The following MEGF11 variants were observed in gnomAD, a reference collection of about 807,000 sequenced individuals.
MEGF11 encodes the protein multiple EGF like domains 11, also known as multiple epidermal growth factor-like domains protein 11.
In MEGF11, 126 loss-of-function variants were observed where a neutral mutation model predicts 146.6. The ratio of observed to expected loss-of-function variants is 0.86; its 90% CI spans 0.74 to 1.00. The LOEUF (loss-of-function observed/expected upper bound fraction) is 1.00, where lower values mean the gene tolerates loss of function less well. Ranked by LOEUF, MEGF11 falls within the 50% of genes least tolerant of loss-of-function variation. The pLI is 0.00. For synonymous variants in MEGF11, 532 were observed against 583.4 expected (o/e 0.91, Z 1.27); for missense variants, 1,509 against 1,521.2 (o/e 0.99, Z 0.13).
At chr15:66,017,078 T>C (rs2082913701) in intron 5 of MEGF11, among the ~76,000 whole-genome samples, 1 of 152,234 alleles carries the variant, frequency 6.6e-6, no homozygotes. Context: ...GAAGAGCTGC[T>C]GGAGAAGCAC....
chr15:66,095,248 T>C (rs966244927), intron 4 of MEGF11, among the ~76,000 whole-genome samples: 6 of 152,218 alleles, frequency 3.9e-5, no homozygotes, highest in African/African-American at 1.4e-4. Flanking sequence ...GAAATTATTT[T>C]TCTCTTTCTT....
At chr15:66,214,883 G>A (rs1467894969) in intron 1 of MEGF11, among the ~76,000 whole-genome samples, 1 of 152,092 alleles carries the variant, frequency 6.6e-6, no homozygotes, top group African/African-American at 2.4e-5. Context: ...GAAGATGGGG[G>A]TAAGAGGAGA....
At chr15:65,958,940 G>C (rs1325197588) in intron 9 of MEGF11, among the ~76,000 whole-genome samples, 1 of 152,214 alleles carries the variant, frequency 6.6e-6, no homozygotes, top group African/African-American at 2.4e-5. Flanking sequence ...GTCAAGAGAA[G>C]CATGCCCTGG....
intron 4 of MEGF11, among the ~76,000 whole-genome samples, chr15:66,105,035 A>C (rs1372372073): frequency 6.6e-6 from 1 of 152,126 alleles, no homozygotes. Flanking sequence ...TTGGGGCTGA[A>C]GACCTCAACT....
At chr15:65,991,473 A>G (rs1326563735) in intron 5 of MEGF11, among the ~76,000 whole-genome samples, 1 of 152,212 alleles carries the variant, frequency 6.6e-6, no homozygotes, top group Non-Finnish European at 1.5e-5. Context: ...TTTGGGCCAG[A>G]AAATTCTTTG....
intron 4 of MEGF11, among the ~76,000 whole-genome samples, chr15:66,097,794 TCTAA>T (rs1357541794): frequency 6.7e-6 from 1 of 150,186 alleles, no homozygotes. Context: ...TGGTTGGGAC[TCTAA>T]CTGGTCCAGG....
At chr15:66,029,223 G>C (rs991761919) in intron 5 of MEGF11, among the ~76,000 whole-genome samples, 1 of 152,068 alleles carries the variant, frequency 6.6e-6, no homozygotes, top group Non-Finnish European at 1.5e-5. Context: ...TTTCTCAGAA[G>C]CCCATGCTAC....
intron 1 of MEGF11, among the ~76,000 whole-genome samples, chr15:66,183,226 G>T (rs985892148): frequency 4.6e-5 from 7 of 152,144 alleles, no homozygotes; most frequent in Non-Finnish European, 8.8e-5. Context: ...GTGGCTGGGC[G>T]TGGGGGCTCA....
intron 5 of MEGF11, among the ~76,000 whole-genome samples, chr15:65,995,297 T>C (rs960003358): frequency 6.6e-6 from 1 of 152,308 alleles, no homozygotes; most frequent in South Asian, 2.1e-4. Context: ...CCAAGTGTCT[T>C]GTTTTGTTTG....
intron 14 of MEGF11, 32 bp from the exon 15 acceptor site, chr15:65,922,504 C>T (rs190904485): frequency 1.6e-5 from 24 of 1,516,414 alleles, no homozygotes; most frequent in Admixed American, 8.8e-5. Context: ...TGGTCAGCAG[C>T]CCAAGAGACC....
intron 4 of MEGF11, among the ~76,000 whole-genome samples, chr15:66,097,011 C>T (rs2086582631): frequency 6.6e-6 from 1 of 152,186 alleles, no homozygotes; most frequent in Admixed American, 6.5e-5. Flanking sequence ...GCAGCAGCTT[C>T]GGGGTCAGTT....
intron 10 of MEGF11, among the ~76,000 whole-genome samples, chr15:65,946,512 C>T (rs1438759559): frequency 6.6e-6 from 1 of 152,180 alleles, no homozygotes; most frequent in South Asian, 2.1e-4. Context: ...CATGCCTCAG[C>T]CTCCCAAGTA....
intron 10 of MEGF11, among the ~76,000 whole-genome samples, chr15:65,945,309 A>G (rs1019869582): frequency 2.6e-5 from 4 of 152,174 alleles, no homozygotes; most frequent in Non-Finnish European, 5.9e-5. Context: ...TGTGCCCTCC[A>G]TGAAGGCACC....
chr15:66,011,033 G>T (rs1398209429), intron 5 of MEGF11, among the ~76,000 whole-genome samples: 2 of 152,168 alleles, frequency 1.3e-5, no homozygotes, highest in Admixed American at 1.3e-4. Flanking sequence ...ACAATACAGG[G>T]TGTGTGTAAA....
At chr15:66,016,137 G>A (rs1050802099) in intron 5 of MEGF11, among the ~76,000 whole-genome samples, 3 of 151,974 alleles carry the variant, frequency 2.0e-5, no homozygotes, top group African/African-American at 4.8e-5. Context: ...AAACCCACTC[G>A]GCTTCAGTAA....
intron 4 of MEGF11, among the ~76,000 whole-genome samples, chr15:66,095,456 T>A (rs2140690877): frequency 6.6e-6 from 1 of 152,316 alleles, no homozygotes. Context: ...TTGTTTTGTT[T>A]TTCCCGAAAG....
At chr15:65,901,696 A>G (rs1432305727) in intron 24 of MEGF11, 1 of 152,034 alleles carries the variant, frequency 6.6e-6, no homozygotes, top group East Asian at 1.9e-4. Flanking sequence ...GCTGAGGACT[A>G]GTAGTATTTA....
chr15:65,958,855 G>C (rs1033560445), intron 9 of MEGF11, among the ~76,000 whole-genome samples: 1 of 152,192 alleles, frequency 6.6e-6, no homozygotes, highest in African/African-American at 2.4e-5. Flanking sequence ...AAGAAGTGCT[G>C]GGTGGTAGAG....
chr15:66,036,024 T>C lies in MEGF11; in HGVS notation c.395-53536A>G, dbSNP rs545135126. On this transcript the variant is annotated intron_variant, in intron 5 of 25. Transcript: ENST00000395614. The stretch of plus-strand genomic sequence containing the variant: ...TGGCCCCACTTCAGTCCAGTGTCCT[T>C]TCTGCTTTCCTGCCTTGGGCTTTCT... Among the ~76,000 whole-genome samples the C allele has an allele frequency of 2.0e-5, 3 of 152,352 alleles. No homozygotes were observed. The East Asian group carries it at 5.8e-4, about 29-fold the overall frequency.
Sources: allele counts gnomAD v4.1 joint callset (sites outside exome capture counted in the v4.1 genomes callset), GRCh38; gene constraint gnomAD v4.1.1; transcripts MANE v1.5; gene names NCBI Gene and HGNC (gene_info 2026-07-23, HGNC 2026-07-21).